Variants in CES1 observed in about 807,000 individuals in gnomAD.
The protein encoded by CES1 is carboxylesterase 1.
Under a neutral mutation model 53.0 loss-of-function variants are expected in CES1, and 50 were observed. That is an observed-to-expected ratio of 0.94 (90% CI 0.75 to 1.19). CES1 has a LOEUF of 1.19. Among genes scored for constraint, CES1 ranks in the 50% most tolerant of loss-of-function variants. The pLI, the probability that CES1 is intolerant of heterozygous loss-of-function variation, is 0.00. For missense variants in CES1, 534 were observed against 538.0 expected, an observed-to-expected ratio of 0.99 and a Z score of 0.07; for synonymous variants, 202 against 210.1, an observed-to-expected ratio of 0.96 and a Z score of 0.33.
chr16:55,812,861 TG>T lies in CES1; in HGVS notation c.1086+41del, dbSNP rs548839650. On this transcript the variant is annotated intron_variant, in intron 9 of 13. Transcript: ENST00000360526. ...CTGGGACCAGAGACAGGAGGGCTGA[TG>T]GGGGTGGTTGAGTCCCTCCAACAGA... 2.0e-4 allele frequency: 318 copies of T among 1,612,714 alleles called. No individual in the cohort carries two copies. The East Asian group carries it at 5.8e-3, about 30-fold the overall frequency.
At position 55,819,561 on chromosome 16, in the gene CES1, C is replaced by T. The variant is rs749391928; in HGVS notation, c.880G>A (p.Glu294Lys). Residue 294 changes from glutamate to lysine, a missense_variant, in exon 7 of 14, where the codon GAG becomes AAG. By Grantham distance (56) the Glu-to-Lys change is moderately conservative. Around this residue, in one of 5 missense-constraint regions of CES1, gnomAD observed 269 missense variants for 206.6 expected, o/e 1.30. Coordinates refer to ENST00000360526, the MANE Select transcript of CES1 (RefSeq NM_001025195.2). ...ATTTTCAATGTCGTCTCCAAGAGCTCCTCTTCCGTCTTCTGTCGCAGGCAG... is the reference window on the plus strand; with the variant it reads ...ATTTTCAATGTCGTCTCCAAGAGCTTCTCTTCCGTCTTCTGTCGCAGGCAG... ...VHCLRQKTEE[E>K]LLETTLKMKF... The T allele has an allele frequency of 1.2e-5, 19 of 1,614,066 alleles. No homozygotes were observed. Among genetic ancestry groups the T allele is most frequent in the Middle Eastern group, 1.6e-4 (1 of 6,062 alleles).
chr16:55,810,971 G>T lies in CES1; in HGVS notation c.1126C>A (p.Gln376Lys). The T allele has an allele frequency of 6.2e-7, 1 of 1,613,570 alleles. No individual in the cohort carries two copies. Among genetic ancestry groups the T allele is most frequent in the South Asian group, 1.1e-5 (1 of 91,050 alleles). ...CACAGGAGTGACATGGCTGTCTTCTGGTCCAGTTGCCCTTCGGAGAGTGGA... is the reference window on the plus strand; with the variant it reads ...CACAGGAGTGACATGGCTGTCTTCTTGTCCAGTTGCCCTTCGGAGAGTGGA... ...SYPLSEGQLD[Q>K]KTAMSLLWKS... Residue 376 changes from glutamine (Q) to lysine (K), a missense_variant, in exon 10 of 14, where the codon CAG (glutamine) becomes AAG (lysine). Gln to Lys is a moderately conservative substitution (Grantham distance 53, BLOSUM62 1). Coordinates refer to ENST00000360526, the MANE Select transcript of CES1 (RefSeq NM_001025195.2).
intron 4 of CES1, among the ~76,000 whole-genome samples, chr16:55,822,872 C>A (rs562144307): frequency 1.1e-4 from 17 of 152,130 alleles, no homozygotes; most frequent in Middle Eastern, 3.4e-3. Flanking sequence ...AACTGAGTGG[C>A]GTGTTCAGGA....
intron 3 of CES1, among the ~76,000 whole-genome samples, chr16:55,825,406 C>T (rs2032378599): frequency 2.0e-5 from 3 of 152,232 alleles, no homozygotes; most frequent in African/African-American, 4.8e-5. Context: ...CACCCTCCAA[C>T]CTGCAGCTGG....
chr16:55,832,411 C>A (rs566865284), intron 1 of CES1, among the ~76,000 whole-genome samples: 13 of 152,356 alleles, frequency 8.5e-5, no homozygotes, highest in South Asian at 4.1e-4. Context: ...TTAAACAGCG[C>A]CTTTATTTAT....
At chr16:55,811,554 G>A (rs1187657513) in intron 9 of CES1, among the ~76,000 whole-genome samples, 2 of 152,110 alleles carry the variant, frequency 1.3e-5, no homozygotes, top group African/African-American at 2.4e-5. Flanking sequence ...TCAGGGACTC[G>A]ACCAATCTCT....
At chr16:55,817,464 C>G (rs1286576996) in intron 7 of CES1, among the ~76,000 whole-genome samples, 1 of 152,200 alleles carries the variant, frequency 6.6e-6, no homozygotes, top group Non-Finnish European at 1.5e-5. Flanking sequence ...TTCCTCATCT[C>G]CCATTAGAAA....
Position 55,832,141 on chromosome 16 carries a change from C to A in CES1, c.52+863G>T, listed in dbSNP as rs1263182826. The stretch of plus-strand genomic sequence containing the variant: ...TAGGAACAGCCCCTGTGCCCCAGAG[C>A]CCCTGAAGTATCCCAACTTGCCAGT... On this transcript the variant is annotated intron_variant, in intron 1 of 13. Transcript: ENST00000360526. 1.5e-4 allele frequency among the ~76,000 whole-genome samples: 23 copies of A among 152,226 alleles called. No individual in the cohort carries two copies. In the South Asian group the frequency reaches 1.9e-3, roughly 12 times the overall value.
At chr16:55,810,097 A>T (rs529246319) in intron 11 of CES1, among the ~76,000 whole-genome samples, 1 of 152,178 alleles carries the variant, frequency 6.6e-6, no homozygotes, top group South Asian at 2.1e-4. Context: ...TCAACCAATG[A>T]CAAGTAGAAG....
intron 11 of CES1, 122 bp downstream of exon 11, chr16:55,810,395 G>C: frequency 8.5e-6 from 11 of 1,294,214 alleles, no homozygotes; most frequent in Non-Finnish European, 1.1e-5. Flanking sequence ...CATGCCATAT[G>C]GAATCAGCCT....
intron 8 of CES1, among the ~76,000 whole-genome samples, chr16:55,814,512 A>G (rs2031843833): frequency 1.3e-5 from 2 of 152,226 alleles, no homozygotes; most frequent in South Asian, 4.1e-4. Flanking sequence ...CTCATCTAAG[A>G]GGTGAGTTAT....
intron 1 of CES1, among the ~76,000 whole-genome samples, chr16:55,831,015 G>A (rs2032644997): frequency 6.6e-6 from 1 of 152,200 alleles, no homozygotes; most frequent in South Asian, 2.1e-4. Flanking sequence ...ATCCAGGCAA[G>A]ATGATGCCAC....
intron 5 of CES1, among the ~76,000 whole-genome samples, 165 bp from the exon 6 acceptor site, chr16:55,820,644 CA>C (rs2032140181): frequency 6.6e-6 from 1 of 152,132 alleles, no homozygotes; most frequent in Admixed American, 6.5e-5. Flanking sequence ...AGTCTTCCTA[CA>C]GCTCCCAGCA....
chr16:55,822,394 C>T (rs1380222963), intron 4 of CES1, among the ~76,000 whole-genome samples: 3 of 152,190 alleles, frequency 2.0e-5, no homozygotes, highest in East Asian at 1.9e-4. Flanking sequence ...ATTCTGAAGG[C>T]GCAGCCAAGA....
rs1298077587 is a variant in CES1, at chr16:55,813,037, G to A, written c.952C>T (p.Pro318Ser). ...CCATCAATCACAGTGCCCAGAAGGG[G>A]TTGACTCTGGGGAGAGAGCAGTGCA... The part of the protein sequence containing the change: ...DLQGDPRESQ[P>S]LLGTVIDGML... Residue 318 changes from proline (P) to serine (S), a missense_variant, in exon 9 of 14, where the codon CCC becomes TCC. This residue lies in a region of CES1 where 269 missense variants were observed against 206.6 expected (regional missense o/e 1.30). Transcript: ENST00000360526. 2 of 1,613,948 alleles carry A rather than the reference G, an allele frequency of 1.2e-6. No individual in the cohort carries two copies. The highest frequency in any genetic ancestry group is 2.2e-5 in the East Asian group (1 of 44,886).
At position 55,810,708 on chromosome 16, in the gene CES1, G is replaced by A. The variant is rs377600623; in HGVS notation, c.1171-44C>T. The A allele has an allele frequency of 4.4e-6, 7 of 1,606,908 alleles. No homozygotes were observed. In the African/African-American group the frequency reaches 8.0e-5, roughly 18 times the overall value. On this transcript the variant is annotated intron_variant, in intron 10 of 13. Coordinates refer to ENST00000360526, the MANE Select transcript of CES1 (RefSeq NM_001025195.2). Reference sequence around the variant, plus strand: ...TGACCACCAGCCCCGGGTGAGCGATGCAGCTTCTCCAGCCCACCAGAAAGT... The same window carrying A: ...TGACCACCAGCCCCGGGTGAGCGATACAGCTTCTCCAGCCCACCAGAAAGT...
At chr16:55,822,875 G>A (rs1430928239) in intron 4 of CES1, among the ~76,000 whole-genome samples, 1 of 152,116 alleles carries the variant, frequency 6.6e-6, no homozygotes, top group Non-Finnish European at 1.5e-5. Flanking sequence ...TGAGTGGCGT[G>A]TTCAGGAAGA....
At chr16:55,830,811 AAGGAAGGAAGGCAGGC>A (rs2032624983) in intron 1 of CES1, among the ~76,000 whole-genome samples, 2 of 143,030 alleles carry the variant, frequency 1.4e-5, no homozygotes. Context: ...GGAAGGAAGG[AAGGAAGGAAGGCAGGC>A]AGGCAGGCAG....
intron 5 of CES1, among the ~76,000 whole-genome samples, chr16:55,821,086 G>GAGAA (rs2032169508): frequency 6.6e-6 from 1 of 152,064 alleles, no homozygotes; most frequent in Non-Finnish European, 1.5e-5. Flanking sequence ...GAGAGAGAGA[G>GAGAA]AGAGAGAGCT....
Sources: allele counts gnomAD v4.1 joint callset (sites outside exome capture counted in the v4.1 genomes callset), GRCh38; gene constraint gnomAD v4.1.1; regional missense constraint gnomAD v4.1.1; transcripts MANE v1.5; gene names NCBI Gene and HGNC (gene_info 2026-07-23, HGNC 2026-07-21).